PSMA8: variants seen among roughly 807,000 people sequenced by gnomAD.
The protein encoded by PSMA8 is proteasome subunit alpha-type 8.
Under a neutral mutation model 32.4 loss-of-function variants are expected in PSMA8, and 18 were observed. The ratio of observed to expected loss-of-function variants is 0.56; its 90% CI spans 0.38 to 0.82. The LOEUF is 0.82. PSMA8 is among the 40% of genes least tolerant of loss of function. The pLI is 0.00. For synonymous variants in PSMA8, 104 were observed against 98.1 expected (o/e 1.06, Z -0.36); for missense variants, 298 against 300.7 (o/e 0.99, Z 0.07).
chr18:26,175,686 G>A (rs1423843837), intron 4 of PSMA8, among the ~76,000 whole-genome samples: 1 of 152,208 alleles, frequency 6.6e-6, no homozygotes, highest in Non-Finnish European at 1.5e-5. Flanking sequence ...CACTTCCGAG[G>A]TCTGTCAAGT....
Position 26,151,895 on chromosome 18 carries a change from C to T in PSMA8, c.267C>T (p.Ala89=). 1 of 1,611,676 alleles carries T rather than the reference C, an allele frequency of 6.2e-7. No individual in the cohort carries two copies. ...TADARVVINR[A]RVECQSHKLT... ...ATGCTAGAGTAGTAATAAACAGAGC[C>T]CGTGTGGAGTGCCAGAGCCATAAGC... Residue 89 remains alanine, a synonymous_variant, in exon 3 of 7, where the codon GCC becomes GCT. Coordinates refer to ENST00000415576, the MANE Select transcript of PSMA8 (RefSeq NM_001025096.2).
At chr18:26,139,150 T>G (rs1298693444) in intron 1 of PSMA8, among the ~76,000 whole-genome samples, 2 of 152,248 alleles carry the variant, frequency 1.3e-5, no homozygotes, top group African/African-American at 4.8e-5. Context: ...GGGATTAGGT[T>G]GCAAAGAAAT....
At chr18:26,189,227 G>T (rs1212745134) in intron 6 of PSMA8, among the ~76,000 whole-genome samples, 1 of 152,116 alleles carries the variant, frequency 6.6e-6, no homozygotes, top group African/African-American at 2.4e-5. Context: ...CATACAAATG[G>T]CAAACAGGCA....
rs2055139172 is a variant in PSMA8, at chr18:26,161,955, C to A, written c.477+3711C>A. Among the ~76,000 whole-genome samples, 4 of 152,154 alleles carry A rather than the reference C, an allele frequency of 2.6e-5. No homozygotes were observed. In the South Asian group the frequency reaches 8.3e-4, roughly 32 times the overall value. ...TCTGCCAGTATCCAGATTAAAAAAA[C>A]AGGGGTACAGTAAGGAAACACTCAT... On this transcript the variant is annotated intron_variant, in intron 4 of 6. Transcript: ENST00000415576.
chr18:26,159,733 A>G (rs1230561243), intron 4 of PSMA8, among the ~76,000 whole-genome samples: 2 of 151,878 alleles, frequency 1.3e-5, no homozygotes, highest in Non-Finnish European at 2.9e-5. Flanking sequence ...AATTTTGTTG[A>G]TCATCTTGGT....
chr18:26,180,822 G>C (rs2055305139), intron 6 of PSMA8, among the ~76,000 whole-genome samples: 1 of 152,134 alleles, frequency 6.6e-6, no homozygotes, highest in Non-Finnish European at 1.5e-5. Context: ...CTTTAGGATA[G>C]GCTATGTAGG....
intron 1 of PSMA8, 51 bp downstream of exon 1, chr18:26,134,118 A>G (rs773737164): frequency 3.0e-6 from 4 of 1,355,530 alleles, no homozygotes; most frequent in South Asian, 1.2e-5. Flanking sequence ...CTGTCAGGCC[A>G]TCGTTACCCT....
chr18:26,160,912 A>G (rs1205465886), intron 4 of PSMA8, among the ~76,000 whole-genome samples: 1 of 152,210 alleles, frequency 6.6e-6, no homozygotes, highest in East Asian at 1.9e-4. Context: ...AGTGCCTTCC[A>G]TTAAGTTATT....
intron 1 of PSMA8, among the ~76,000 whole-genome samples, chr18:26,142,215 A>G (rs984724123): frequency 2.0e-5 from 3 of 151,542 alleles, no homozygotes; most frequent in Non-Finnish European, 4.4e-5. Context: ...GATTTTTTGT[A>G]TTTTTAGTAG....
rs2055287502 is a variant in PSMA8, at chr18:26,179,068, G to T, written c.598G>T (p.Val200Phe). ...IKLAIKALLE[V>F]VQSGGKNIEL... ...TAATAGTGTACTTGTTCTACATTAG[G>T]TTGTCCAGTCTGGTGGAAAAAACAT... is the stretch of plus-strand genomic sequence containing the variant. The change falls in exon 6 of 7, where the codon GTT (valine) becomes TTT (phenylalanine). Residue 200 changes from valine (V) to phenylalanine (F), a missense_variant and splice_region_variant. Val to Phe is a conservative substitution (Grantham distance 50). Coordinates refer to ENST00000415576, the MANE Select transcript of PSMA8 (RefSeq NM_001025096.2). The T allele has an allele frequency of 6.2e-7, 1 of 1,613,084 alleles. No homozygotes were observed. Among genetic ancestry groups the T allele is most frequent in the African/African-American group, 1.3e-5 (1 of 75,018 alleles).
intron 1 of PSMA8, among the ~76,000 whole-genome samples, chr18:26,134,683 A>C (rs2054897212): frequency 1.3e-5 from 2 of 152,216 alleles, no homozygotes; most frequent in African/African-American, 4.8e-5. Context: ...TGCTGGGCGC[A>C]GTGGCTCACA....
At chr18:26,185,397 A>G (rs1448045388) in intron 6 of PSMA8, among the ~76,000 whole-genome samples, 2 of 150,824 alleles carry the variant, frequency 1.3e-5, no homozygotes, top group Non-Finnish European at 3.0e-5. Flanking sequence ...CCACTCTGCA[A>G]CTTTGAATAT....
At chr18:26,186,719 G>A (rs1337000712) in intron 6 of PSMA8, among the ~76,000 whole-genome samples, 1 of 152,156 alleles carries the variant, frequency 6.6e-6, no homozygotes, top group African/African-American at 2.4e-5. Context: ...TATATAAGTA[G>A]ACTTCTACAA....
intron 4 of PSMA8, among the ~76,000 whole-genome samples, chr18:26,165,618 A>T (rs2055172652): frequency 6.6e-6 from 1 of 152,122 alleles, no homozygotes. Flanking sequence ...ATTCAACAAC[A>T]GTATTAAGCT....
intron 1 of PSMA8, among the ~76,000 whole-genome samples, chr18:26,138,016 G>A (rs1436594029): frequency 6.6e-6 from 1 of 152,162 alleles, no homozygotes; most frequent in Non-Finnish European, 1.5e-5. Context: ...CAACTGAAAG[G>A]CATTCAGAAT....
rs550368496 is a variant in PSMA8 at position 26,179,297 on chromosome 18, T to G, written c.660+167T>G. ...ACCGGTTTTTTGTTTGTTTTTTGTG[T>G]TTTTTTTTTTTTTTTAAATAGAGAC... On this transcript the variant is annotated intron_variant, in intron 6 of 6. Transcript: ENST00000415576. Among the ~76,000 whole-genome samples, 132 of 66,810 alleles carry G rather than the reference T, an allele frequency of 2.0e-3. 1 individual carries two copies. Among genetic ancestry groups the G allele is most frequent in the Middle Eastern group, 6.1e-3 (1 of 164 alleles). 43.8% of individuals were successfully genotyped at this position (66,810 alleles called of 152,430 possible).
intron 1 of PSMA8, among the ~76,000 whole-genome samples, chr18:26,143,104 G>A (rs2054972419): frequency 6.6e-6 from 1 of 151,928 alleles, no homozygotes; most frequent in Non-Finnish European, 1.5e-5. Flanking sequence ...GCTTAATTTT[G>A]CACTATATAG....
intron 4 of PSMA8, among the ~76,000 whole-genome samples, chr18:26,176,033 T>C (rs1012999211): frequency 2.6e-5 from 4 of 152,052 alleles, no homozygotes; most frequent in African/African-American, 9.7e-5. Flanking sequence ...TAATAGTCTT[T>C]GCTGCAGAAA....
intron 1 of PSMA8, among the ~76,000 whole-genome samples, chr18:26,143,666 C>T (rs983828928): frequency 1.3e-5 from 2 of 151,994 alleles, no homozygotes; most frequent in African/African-American, 2.4e-5. Flanking sequence ...TTTAACCCAC[C>T]ACCACTATGA....
Sources: gnomAD v4.1 joint callset for allele counts (sites outside exome capture counted in the v4.1 genomes callset) on GRCh38, gnomAD v4.1.1 for gene constraint, MANE v1.5 for transcripts, NCBI Gene and HGNC (gene_info 2026-07-23, HGNC 2026-07-21) for gene names.